SCMH1: variants seen among roughly 807,000 people sequenced by gnomAD.
SCMH1 encodes polycomb protein SCMH1.
A neutral mutation model predicts 70.8 loss-of-function variants in SCMH1; 37 were observed. The observed-to-expected ratio is 0.52, with a 90% CI of 0.40 to 0.69. The LOEUF (loss-of-function observed/expected upper bound fraction) is 0.69, where lower values mean the gene tolerates loss of function less well. SCMH1 is among the 30% of genes least tolerant of loss of function. The probability of loss-of-function intolerance (pLI) is 0.00; values close to 1 mark genes in which losing one functional copy is unlikely to be tolerated. For missense variants in SCMH1, 607 were observed against 827.3 expected, an observed-to-expected ratio of 0.73 and a Z score of 3.27; for synonymous variants, 292 against 307.4, an observed-to-expected ratio of 0.95 and a Z score of 0.52.
At chr1:41,146,811 CAT>C (rs1644623077) in intron 5 of SCMH1, among the ~76,000 whole-genome samples, 1 of 152,154 alleles carries the variant, frequency 6.6e-6, no homozygotes. Context: ...ACTATTCTCT[CAT>C]AGTCTGTGAC....
At chr1:41,155,842 G>T (rs1645478957) in intron 4 of SCMH1, among the ~76,000 whole-genome samples, 2 of 151,956 alleles carry the variant, frequency 1.3e-5, no homozygotes, top group South Asian at 4.2e-4. Flanking sequence ...AAAATTAGCT[G>T]GGCGTGGTGG....
chr1:41,135,749 G>A (rs1443826309), intron 6 of SCMH1, among the ~76,000 whole-genome samples: 1 of 152,118 alleles, frequency 6.6e-6, no homozygotes, highest in African/African-American at 2.4e-5. Context: ...TGCTGTATGT[G>A]GCTGGTGAGG....
At chr1:41,170,483 T>G (rs1454378943) in intron 2 of SCMH1, among the ~76,000 whole-genome samples, 1 of 152,172 alleles carries the variant, frequency 6.6e-6, no homozygotes, top group Non-Finnish European at 1.5e-5. Context: ...GAATAGATAT[T>G]TATTTGGTGC....
At chr1:41,067,174 G>A (rs1654877341) in intron 10 of SCMH1, among the ~76,000 whole-genome samples, 1 of 152,096 alleles carries the variant, frequency 6.6e-6, no homozygotes, top group Non-Finnish European at 1.5e-5. Context: ...GCCAGGCGTG[G>A]TGGTTCACAC....
Position 41,113,586 on chromosome 1 carries a change from A to C in SCMH1, c.502-60T>G. Reference sequence around the variant, plus strand: ...CAAAGAGAGGCCATTATGCCAATAGACTACTATCTAATTTGGATGATTAAA... The same window carrying C: ...CAAAGAGAGGCCATTATGCCAATAGCCTACTATCTAATTTGGATGATTAAA... On this transcript the variant is annotated intron_variant, in intron 7 of 14. Transcript: ENST00000337495. This position sits in a 1 kb window ranked among gnomAD's most constrained non-coding sequence, Gnocchi z 4.3. The C allele has an allele frequency of 6.5e-7, 1 of 1,538,318 alleles. No homozygotes were observed. The highest frequency in any genetic ancestry group is 8.7e-7 in the Non-Finnish European group (1 of 1,144,044).
intron 1 of SCMH1, among the ~76,000 whole-genome samples, chr1:41,234,185 A>T (rs1449031159): frequency 6.6e-6 from 1 of 152,170 alleles, no homozygotes; most frequent in East Asian, 1.9e-4. Flanking sequence ...CTGTAATTTC[A>T]GCACTTTGGA....
intron 12 of SCMH1, chr1:41,045,652 C>T (rs1026524264): frequency 6.6e-6 from 1 of 152,500 alleles, no homozygotes; most frequent in Admixed American, 6.5e-5. Context: ...TATTTCTCTG[C>T]TCAGGACACA....
intron 7 of SCMH1, among the ~76,000 whole-genome samples, chr1:41,115,333 T>G (rs1297848272): frequency 6.6e-6 from 1 of 152,266 alleles, no homozygotes; most frequent in Non-Finnish European, 1.5e-5. Flanking sequence ...TTTGCTCTAT[T>G]ATACTTTGAG....
At chr1:41,234,304 A>G (rs947856977) in intron 1 of SCMH1, among the ~76,000 whole-genome samples, 1 of 151,962 alleles carries the variant, frequency 6.6e-6, no homozygotes, top group Non-Finnish European at 1.5e-5. Context: ...TCCACATACA[A>G]TCATTCCCAA....
intron 10 of SCMH1, among the ~76,000 whole-genome samples, chr1:41,058,085 C>T (rs1319548302): frequency 7.0e-6 from 1 of 143,606 alleles, no homozygotes; most frequent in African/African-American, 2.6e-5. Flanking sequence ...CTGCACACTG[C>T]ACTCCAGCCT....
intron 1 of SCMH1, among the ~76,000 whole-genome samples, chr1:41,194,553 A>G (rs1442574138): frequency 6.6e-6 from 1 of 152,266 alleles, no homozygotes; most frequent in Admixed American, 6.5e-5. Context: ...TCCAATTTCC[A>G]GGATACTTTC....
chr1:41,107,778 A>G (rs1668350654), intron 8 of SCMH1, among the ~76,000 whole-genome samples: 1 of 152,300 alleles, frequency 6.6e-6, no homozygotes, highest in African/African-American at 2.4e-5. Flanking sequence ...TCGGCCTCCC[A>G]AAGTGCTGGG....
At chr1:41,118,454 A>G (rs1671088422) in intron 6 of SCMH1, among the ~76,000 whole-genome samples, 1 of 152,188 alleles carries the variant, frequency 6.6e-6, no homozygotes, top group Non-Finnish European at 1.5e-5. Context: ...CAACCGATAA[A>G]CCCAATATAT....
rs867393623 is a variant in SCMH1, at chr1:41,067,468, A to C, written c.1105+3127T>G. 7.3e-3 allele frequency among the ~76,000 whole-genome samples: 1,102 copies of C among 151,202 alleles called. 4 individuals are homozygous for C. Among genetic ancestry groups the C allele is most frequent in the East Asian group, 0.038 (195 of 5,124 alleles). On this transcript the variant is annotated intron_variant, in intron 10 of 14. Transcript: ENST00000337495. The stretch of plus-strand genomic sequence containing the variant: ...CAACAACAACAACAACAAAAAAAAA[A>C]AAAAAAAAAAAAAGAGCTATCAAGA...
At chr1:41,184,564 A>G (rs1557765142) in intron 2 of SCMH1, among the ~76,000 whole-genome samples, 1 of 152,166 alleles carries the variant, frequency 6.6e-6, no homozygotes, top group African/African-American at 2.4e-5. Context: ...TCTAGCTTAC[A>G]TGCTACTGGA....
intron 12 of SCMH1, chr1:41,043,030 T>G (rs1394145500): frequency 6.6e-6 from 1 of 152,204 alleles, no homozygotes; most frequent in African/African-American, 2.4e-5. Context: ...ATAAAGGACA[T>G]TAGTGTGACA....
intron 6 of SCMH1, among the ~76,000 whole-genome samples, chr1:41,137,655 G>A (rs1425521233): frequency 1.3e-5 from 2 of 152,120 alleles, no homozygotes; most frequent in Non-Finnish European, 1.5e-5. Flanking sequence ...ATCTCTCAAC[G>A]AACAGCTTTC....
intron 6 of SCMH1, among the ~76,000 whole-genome samples, chr1:41,132,876 C>A (rs1642600849): frequency 1.3e-5 from 2 of 152,074 alleles, no homozygotes; most frequent in Admixed American, 1.3e-4. Context: ...ATTTCTGAGG[C>A]CTCTGTACTG....
intron 12 of SCMH1, among the ~76,000 whole-genome samples, chr1:41,039,478 A>AT (rs1159588462): frequency 6.8e-6 from 1 of 146,238 alleles, no homozygotes; most frequent in African/African-American, 2.5e-5. Context: ...GATTGCAAAT[A>AT]CTTTTTTTTT....
Sources: gnomAD v4.1 joint callset for allele counts (sites outside exome capture counted in the v4.1 genomes callset) on GRCh38, gnomAD v4.1.1 for gene constraint, Gnocchi (gnomAD v3.1) non-coding constraint, MANE v1.5 for transcripts, NCBI Gene and HGNC (gene_info 2026-07-23, HGNC 2026-07-21) for gene names.